Variants in ENOX1 observed in about 807,000 individuals in gnomAD.
ENOX1 encodes candidate growth-related and time keeping constitutive hydroquinone (NADH) oxidase.
Under a neutral mutation model 82.5 loss-of-function variants are expected in ENOX1, and 42 were observed. The ratio of observed to expected loss-of-function variants is 0.51; its 90% CI spans 0.40 to 0.66. The LOEUF (loss-of-function observed/expected upper bound fraction) is 0.66. ENOX1 is among the 30% of genes least tolerant of loss of function. ENOX1 has a pLI of 0.00. For missense variants in ENOX1, 608 were observed against 811.6 expected, an observed-to-expected ratio of 0.75 and a Z score of 3.05; for synonymous variants, 271 against 282.2, an observed-to-expected ratio of 0.96 and a Z score of 0.40.
At chr13:43,259,655 T>C in intron 14 of ENOX1, among the ~76,000 whole-genome samples, 1 of 152,150 alleles carries the variant, frequency 6.6e-6, no homozygotes, top group Non-Finnish European at 1.5e-5. Context: ...TTTGTATTTT[T>C]AGTAGAGACA....
intron 1 of ENOX1, among the ~76,000 whole-genome samples, chr13:43,694,958 C>A (rs756311636): frequency 6.6e-6 from 1 of 152,216 alleles, no homozygotes; most frequent in Non-Finnish European, 1.5e-5. Context: ...CAAACATTCT[C>A]TTCTCAAAGG....
At chr13:43,494,114 G>T (rs1034594718) in intron 2 of ENOX1, among the ~76,000 whole-genome samples, 2 of 152,108 alleles carry the variant, frequency 1.3e-5, no homozygotes, top group Admixed American at 1.3e-4. Context: ...TCTCTCCCTT[G>T]ACATGTGGGG....
chr13:43,444,180 CTTAAAACAT>C (rs2056506157), intron 3 of ENOX1, among the ~76,000 whole-genome samples: 1 of 152,184 alleles, frequency 6.6e-6, no homozygotes, highest in Non-Finnish European at 1.5e-5. Context: ...TTTCAGTCTG[CTTAAAACAT>C]AAGCCTTAAC....
chr13:43,772,934 C>T (rs1048170731), intron 1 of ENOX1, among the ~76,000 whole-genome samples: 1 of 152,156 alleles, frequency 6.6e-6, no homozygotes. Flanking sequence ...GTATGGATCA[C>T]CCTTTGTGAA....
intron 2 of ENOX1, among the ~76,000 whole-genome samples, chr13:43,535,583 A>G (rs1286661631): frequency 6.6e-6 from 1 of 152,176 alleles, no homozygotes; most frequent in African/African-American, 2.4e-5. Flanking sequence ...GACCTCAGAA[A>G]GGACCTCAGA....
chr13:43,328,694 A>T (rs773018773), intron 9 of ENOX1, among the ~76,000 whole-genome samples: 1 of 152,230 alleles, frequency 6.6e-6, no homozygotes, highest in Non-Finnish European at 1.5e-5. Context: ...AATAGTGCAC[A>T]GGTTTAGGGG....
chr13:43,507,717 CCA>C (rs906751812), intron 2 of ENOX1, among the ~76,000 whole-genome samples: 8 of 151,934 alleles, frequency 5.3e-5, no homozygotes, highest in Non-Finnish European at 1.2e-4. Context: ...TGCCTGTGTA[CCA>C]GTTACCCCAA....
intron 2 of ENOX1, among the ~76,000 whole-genome samples, chr13:43,581,343 G>A (rs926772574): frequency 7.8e-4 from 118 of 150,866 alleles, no homozygotes; most frequent in African/African-American, 2.8e-3. Flanking sequence ...CGTTTTAGCC[G>A]GGATGGTCTC....
At chr13:43,639,393 A>G (rs539692294) in intron 2 of ENOX1, among the ~76,000 whole-genome samples, 2 of 152,304 alleles carry the variant, frequency 1.3e-5, no homozygotes, top group African/African-American at 4.8e-5. Context: ...ATGAGAACAA[A>G]CTGTTTATTG....
At chr13:43,531,230 A>G (rs1326250662) in intron 2 of ENOX1, among the ~76,000 whole-genome samples, 1 of 152,132 alleles carries the variant, frequency 6.6e-6, no homozygotes, top group African/African-American at 2.4e-5. Flanking sequence ...ATTTACAAGA[A>G]AAAAACAAAC....
intron 10 of ENOX1, among the ~76,000 whole-genome samples, chr13:43,324,442 G>A (rs1222315312): frequency 1.3e-5 from 2 of 152,090 alleles, no homozygotes; most frequent in Admixed American, 6.5e-5. Context: ...ATCTGTAGAG[G>A]TGTTGCAGAT....
chr13:43,434,255 G>A (rs1426010817), intron 3 of ENOX1, among the ~76,000 whole-genome samples: 1 of 152,144 alleles, frequency 6.6e-6, no homozygotes, highest in Non-Finnish European at 1.5e-5. Context: ...ACTTGAGAGA[G>A]GTCTTAAAAC....
intron 1 of ENOX1, among the ~76,000 whole-genome samples, chr13:43,688,948 A>G (rs756675306): frequency 5.3e-5 from 8 of 152,212 alleles, no homozygotes; most frequent in Non-Finnish European, 1.0e-4. Flanking sequence ...CTAACAGGCC[A>G]CAAAAATCAG....
chr13:43,637,905 C>T (rs1235059275), intron 2 of ENOX1, among the ~76,000 whole-genome samples: 1 of 152,166 alleles, frequency 6.6e-6, no homozygotes, highest in Non-Finnish European at 1.5e-5. Context: ...AAACCATCCT[C>T]ATCCGGCAAT....
intron 8 of ENOX1, 127 bp downstream of exon 8, chr13:43,355,792 T>C: frequency 8.1e-6 from 8 of 989,314 alleles, no homozygotes; most frequent in Admixed American, 4.4e-5. Flanking sequence ...CACCAGACTC[T>C]TACAGCCTTC....
In ENOX1 at chr13:43,343,767, A is replaced by T. The variant is rs147011740; in HGVS notation, c.1036+771T>A. On this transcript the variant is annotated intron_variant, in intron 9 of 16. Coordinates refer to ENST00000690772, the MANE Select transcript of ENOX1 (RefSeq NM_001347969.2). ...TGGAGCATGGCATTGTTACAGTGTC[A>T]TTCAATGGCTTTTACCAAGCAAGAG... Among the ~76,000 whole-genome samples, 370 of 152,294 alleles carry T rather than the reference A, an allele frequency of 2.4e-3. 12 individuals carry two copies. The South Asian group carries it at 0.052, about 22-fold the overall frequency.
rs73474094 is a variant in ENOX1 at position 43,525,189 on chromosome 13, A to G, written c.-218-41037T>C. On this transcript the variant is annotated intron_variant, in intron 2 of 16. Transcript: ENST00000690772. ...GTCATTGCATTCACATTGTGCAAGC[A>G]TCATCACCATCCATCCACGGAACTC... Among the ~76,000 whole-genome samples, 281 of 152,260 alleles carry G rather than the reference A, an allele frequency of 1.8e-3. 2 individuals are homozygous for G. The highest frequency in any genetic ancestry group is 6.2e-3 in the African/African-American group (258 of 41,562).
chr13:43,217,326 C>T (rs577480552), intron 16 of ENOX1, among the ~76,000 whole-genome samples: 2 of 152,350 alleles, frequency 1.3e-5, no homozygotes, highest in South Asian at 4.1e-4. Context: ...CACACACGTT[C>T]ATATTGCTGA....
chr13:43,576,796 C>CTAGGTTAGATTA (rs1481829270), intron 2 of ENOX1, among the ~76,000 whole-genome samples: 1 of 152,154 alleles, frequency 6.6e-6, no homozygotes, highest in Non-Finnish European at 1.5e-5. Context: ...TGGAACAGCA[C>CTAGGTTAGATTA]TAGGTTAGAT....
Sources: gnomAD v4.1 joint callset for allele counts (sites outside exome capture counted in the v4.1 genomes callset) on GRCh38, gnomAD v4.1.1 for gene constraint, MANE v1.5 for transcripts, NCBI Gene and HGNC (gene_info 2026-07-23, HGNC 2026-07-21) for gene names.